The following ARPP21 variants were observed in gnomAD, a reference collection of about 807,000 sequenced individuals.
The protein encoded by ARPP21 is cAMP-regulated phosphoprotein 21.
A neutral mutation model predicts 113.2 loss-of-function variants in ARPP21; 69 were observed. That is an observed-to-expected ratio of 0.61 (90% CI 0.50 to 0.74). The LOEUF (loss-of-function observed/expected upper bound fraction) is 0.74, where lower values mean the gene tolerates loss of function less well. Ranked by LOEUF, ARPP21 falls within the 30% of genes least tolerant of loss-of-function variation. The probability of loss-of-function intolerance (pLI) is 0.00; values close to 1 mark genes in which losing one functional copy is unlikely to be tolerated. For synonymous variants in ARPP21, 368 were observed against 375.5 expected (o/e 0.98, Z 0.23); for missense variants, 1,070 against 1,037.4 (o/e 1.03, Z -0.43).
intron 9 of ARPP21, among the ~76,000 whole-genome samples, chr3:35,697,446 A>G (rs1008350679): frequency 1.3e-5 from 2 of 151,600 alleles, no homozygotes; most frequent in Non-Finnish European, 3.0e-5. Flanking sequence ...TGTTTGTTGT[A>G]TGTTCCAGAA....
intron 19 of ARPP21, among the ~76,000 whole-genome samples, chr3:35,766,784 C>T (rs1363789849): frequency 6.6e-6 from 1 of 152,208 alleles, no homozygotes; most frequent in Middle Eastern, 3.4e-3. Flanking sequence ...TTGTAATGCA[C>T]CATCACCTAT....
At chr3:35,654,019 A>G (rs1268892837) in intron 1 of ARPP21, among the ~76,000 whole-genome samples, 1 of 152,032 alleles carries the variant, frequency 6.6e-6, no homozygotes, top group Non-Finnish European at 1.5e-5. Context: ...ATACTACGGC[A>G]TATCTAAATC....
intron 19 of ARPP21, among the ~76,000 whole-genome samples, chr3:35,790,537 C>G (rs568585063): frequency 3.3e-5 from 5 of 152,254 alleles, no homozygotes; most frequent in African/African-American, 1.2e-4. Flanking sequence ...AATTTTCTCT[C>G]AAGTCTCTCT....
chr3:35,703,850 G>T (rs2087540103), intron 9 of ARPP21, among the ~76,000 whole-genome samples: 2 of 151,718 alleles, frequency 1.3e-5, no homozygotes, highest in African/African-American at 4.8e-5. Flanking sequence ...TCATTTTATT[G>T]CTTAGAAATA....
intron 15 of ARPP21, among the ~76,000 whole-genome samples, chr3:35,735,819 G>T (rs2094314823): frequency 6.6e-6 from 1 of 152,192 alleles, no homozygotes; most frequent in South Asian, 2.1e-4. Flanking sequence ...GGGAAGAAAA[G>T]ACTCACAAGT....
intron 11 of ARPP21, among the ~76,000 whole-genome samples, chr3:35,710,710 A>G (rs1004387201): frequency 2.0e-5 from 3 of 152,174 alleles, no homozygotes; most frequent in Non-Finnish European, 4.4e-5. Context: ...GTTGTGTCAC[A>G]TTGTTAGACA....
At chr3:35,776,297 A>G (rs537823808) in intron 19 of ARPP21, among the ~76,000 whole-genome samples, 36 of 152,324 alleles carry the variant, frequency 2.4e-4, no homozygotes, top group Admixed American at 4.6e-4. Flanking sequence ...TGGTTACATT[A>G]GAAACACTGG....
intron 9 of ARPP21, among the ~76,000 whole-genome samples, chr3:35,699,310 G>C (rs1367770769): frequency 1.3e-5 from 2 of 151,560 alleles, no homozygotes; most frequent in Non-Finnish European, 3.0e-5. Flanking sequence ...GGAGAATTAT[G>C]CCCAGTACCT....
intron 14 of ARPP21, among the ~76,000 whole-genome samples, chr3:35,729,048 T>C (rs980095816): frequency 2.0e-5 from 3 of 152,190 alleles, no homozygotes; most frequent in Non-Finnish European, 4.4e-5. Flanking sequence ...TAGTAGTTTG[T>C]GAAAAGGCTG....
At chr3:35,664,850 C>T (rs1308468481) in intron 1 of ARPP21, among the ~76,000 whole-genome samples, 2 of 151,616 alleles carry the variant, frequency 1.3e-5, no homozygotes, top group African/African-American at 4.8e-5. Context: ...GAGCTGGAAC[C>T]GACTCCAGGC....
At chr3:35,751,130 G>A (rs1313083470) in intron 19 of ARPP21, among the ~76,000 whole-genome samples, 3 of 152,074 alleles carry the variant, frequency 2.0e-5, no homozygotes, top group South Asian at 2.1e-4. Context: ...GAGTAAAGAG[G>A]GTAAAAAAGA....
chr3:35,738,637 G>A (rs918252181), intron 17 of ARPP21, among the ~76,000 whole-genome samples: 7 of 152,116 alleles, frequency 4.6e-5, no homozygotes, highest in South Asian at 2.1e-4. Context: ...ATGAGGGTTC[G>A]GGAAAGATCT....
At chr3:35,749,324 T>G (rs2151030781) in intron 19 of ARPP21, among the ~76,000 whole-genome samples, 1 of 149,718 alleles carries the variant, frequency 6.7e-6, no homozygotes, top group East Asian at 2.0e-4. Context: ...CAAAAAAGAG[T>G]TCCTTTTAAA....
intron 1 of ARPP21, among the ~76,000 whole-genome samples, chr3:35,668,605 T>C (rs748158433): frequency 1.3e-5 from 2 of 152,186 alleles, no homozygotes; most frequent in Non-Finnish European, 2.9e-5. Context: ...ATACCTGGGA[T>C]CTGCCGTTTT....
At chr3:35,748,486 G>A (rs1278147187) in intron 19 of ARPP21, among the ~76,000 whole-genome samples, 1 of 145,502 alleles carries the variant, frequency 6.9e-6, no homozygotes, top group African/African-American at 2.5e-5. Context: ...GAGAGAGGGA[G>A]GGAAGGAAGG....
intron 19 of ARPP21, among the ~76,000 whole-genome samples, chr3:35,791,658 G>A (rs1036238577): frequency 2.0e-5 from 3 of 151,882 alleles, no homozygotes; most frequent in African/African-American, 7.3e-5. Context: ...GACCCACCCA[G>A]AAAGACATGA....
At chr3:35,741,494 G>T (rs2094654940) in intron 18 of ARPP21, among the ~76,000 whole-genome samples, 1 of 152,162 alleles carries the variant, frequency 6.6e-6, no homozygotes, top group Non-Finnish European at 1.5e-5. Flanking sequence ...AATTTCTGCA[G>T]AAAATGAATC....
At chr3:35,738,699 G>C (rs1270297810) in intron 17 of ARPP21, among the ~76,000 whole-genome samples, 1 of 152,170 alleles carries the variant, frequency 6.6e-6, no homozygotes, top group African/African-American at 2.4e-5. Context: ...CCTGATGTAG[G>C]TGCCCCCGCA....
At chr3:35,746,545 C>T (rs1220974279) in intron 19 of ARPP21, among the ~76,000 whole-genome samples, 1 of 152,172 alleles carries the variant, frequency 6.6e-6, no homozygotes, top group African/African-American at 2.4e-5. Context: ...TGTCACCCTC[C>T]CACAGTCATG....
Sources: allele counts gnomAD v4.1 joint callset (sites outside exome capture counted in the v4.1 genomes callset), GRCh38; gene constraint gnomAD v4.1.1; transcripts MANE v1.5; gene names NCBI Gene and HGNC (gene_info 2026-07-23, HGNC 2026-07-21).